Variants in PTPRM observed in about 807,000 individuals in gnomAD.
PTPRM encodes the protein receptor-type tyrosine-protein phosphatase mu.
PTPRM carries 47 observed loss-of-function variants against 186.7 expected under a neutral mutation model. That is an observed-to-expected ratio of 0.25 (90% CI 0.20 to 0.32). The LOEUF is 0.32. PTPRM is among the 10% of genes least tolerant of loss of function. The pLI, the probability that PTPRM is intolerant of heterozygous loss-of-function variation, is 1.00. For synonymous variants in PTPRM, 668 were observed against 674.9 expected, an observed-to-expected ratio of 0.99 and a Z score of 0.16; for missense variants, 1,494 against 1,865.0, an observed-to-expected ratio of 0.80 and a Z score of 3.66.
intron 9 of PTPRM, among the ~76,000 whole-genome samples, chr18:8,080,832 C>T (rs923342107): frequency 2.0e-5 from 3 of 152,128 alleles, no homozygotes; most frequent in South Asian, 2.1e-4. Flanking sequence ...ATTGTCTCTT[C>T]GCCAAGAGCC....
intron 23 of PTPRM, among the ~76,000 whole-genome samples, chr18:8,367,227 G>C (rs1253582617): frequency 1.3e-5 from 2 of 152,164 alleles, no homozygotes; most frequent in African/African-American, 4.8e-5. Flanking sequence ...GCTGAAAACA[G>C]ATGTGGCAAA....
At chr18:8,126,034 A>ATTTTTTTTTTT (rs2092353949) in intron 13 of PTPRM, among the ~76,000 whole-genome samples, 1 of 37,230 alleles carries the variant, frequency 2.7e-5, no homozygotes, top group African/African-American at 7.1e-5. Context: ...TATATTTTAA[A>ATTTTTTTTTTT]TCAGTAGACC....
intron 1 of PTPRM, among the ~76,000 whole-genome samples, chr18:7,577,438 A>G (rs1269512328): frequency 1.3e-5 from 2 of 152,214 alleles, no homozygotes; most frequent in Non-Finnish European, 1.5e-5. Flanking sequence ...TGGTATCACC[A>G]GAAAGAAGAT....
chr18:8,078,787 G>A (rs2089970863), intron 9 of PTPRM, among the ~76,000 whole-genome samples: 1 of 152,274 alleles, frequency 6.6e-6, no homozygotes, highest in African/African-American at 2.4e-5. Context: ...AGGGTGAAGG[G>A]CAGCAGGCAC....
chr18:8,376,424 CCTT>C (rs776653044), intron 25 of PTPRM, 35 bp from the exon 26 acceptor site: 1 of 1,613,530 alleles, frequency 6.2e-7, no homozygotes, highest in East Asian at 2.2e-5. Flanking sequence ...GCAGTGTGGT[CCTT>C]CTTCCTCCAC....
rs973922732 is a variant in PTPRM, at chr18:8,063,296, A to G, written c.1133-6390A>G. ...CCCCTTGCGCTTCCCAGGTGAGGCA[A>G]TGCCTCGCCCTGCTTCGGCTTGCGC... On this transcript the variant is annotated intron_variant, in intron 7 of 32. Coordinates refer to ENST00000580170, the MANE Select transcript of PTPRM (RefSeq NM_001105244.2). Among the ~76,000 whole-genome samples the G allele has an allele frequency of 1.3e-4, 19 of 150,830 alleles. 1 individual carries two copies. The South Asian group carries it at 1.7e-3, about 13-fold the overall frequency.
At chr18:8,135,862 A>G (rs1568400862) in intron 13 of PTPRM, among the ~76,000 whole-genome samples, 2 of 152,214 alleles carry the variant, frequency 1.3e-5, no homozygotes, top group Non-Finnish European at 1.5e-5. Context: ...TGATACTTCT[A>G]GCAAGCATAC....
At chr18:7,818,706 A>G (rs577913071) in intron 2 of PTPRM, among the ~76,000 whole-genome samples, 7 of 152,362 alleles carry the variant, frequency 4.6e-5, no homozygotes, top group Admixed American at 2.0e-4. Flanking sequence ...ATTAAACATC[A>G]GTAAAACACT....
intron 1 of PTPRM, among the ~76,000 whole-genome samples, chr18:7,766,189 G>T (rs2042007441): frequency 6.6e-6 from 1 of 152,204 alleles, no homozygotes; most frequent in Admixed American, 6.5e-5. Context: ...TGAAGCTCCT[G>T]TGTCTTTGGG....
At chr18:8,057,302 T>A (rs911005488) in intron 7 of PTPRM, among the ~76,000 whole-genome samples, 3 of 152,056 alleles carry the variant, frequency 2.0e-5, no homozygotes, top group Admixed American at 2.0e-4. Flanking sequence ...TTTTATTTTG[T>A]ACTTTTCAAT....
chr18:7,651,657 T>C (rs1598299880), intron 1 of PTPRM, among the ~76,000 whole-genome samples: 1 of 152,102 alleles, frequency 6.6e-6, no homozygotes, highest in African/African-American at 2.4e-5. Flanking sequence ...GGGGAAAGGA[T>C]TCCCTATTTA....
intron 29 of PTPRM, 51 bp downstream of exon 29, chr18:8,380,478 G>A: frequency 6.2e-7 from 1 of 1,604,728 alleles, no homozygotes; most frequent in Non-Finnish European, 8.5e-7. Context: ...GGTCAAGTTT[G>A]TTTTTACACT....
chr18:8,056,558 G>A (rs1308310456), intron 7 of PTPRM, among the ~76,000 whole-genome samples: 3 of 151,958 alleles, frequency 2.0e-5, no homozygotes, highest in Admixed American at 2.0e-4. Context: ...GAAGGTGGAG[G>A]TTGTGGTTAG....
intron 19 of PTPRM, among the ~76,000 whole-genome samples, chr18:8,254,364 G>C (rs1327250657): frequency 6.6e-6 from 1 of 152,216 alleles, no homozygotes; most frequent in East Asian, 1.9e-4. Context: ...CTAATTCAAA[G>C]AAGCATGCCA....
intron 7 of PTPRM, among the ~76,000 whole-genome samples, chr18:7,981,190 C>T (rs1406871385): frequency 6.6e-6 from 1 of 152,178 alleles, no homozygotes; most frequent in Non-Finnish European, 1.5e-5. Flanking sequence ...CACCTTCACT[C>T]TCTACTTAAA....
chr18:7,686,231 G>A (rs531556332), intron 1 of PTPRM, among the ~76,000 whole-genome samples: 1 of 152,128 alleles, frequency 6.6e-6, no homozygotes, highest in African/African-American at 2.4e-5. Context: ...AAAATGACTC[G>A]GGATGCTATT....
chr18:8,359,018 G>A (rs1366605625), intron 23 of PTPRM, among the ~76,000 whole-genome samples: 1 of 152,180 alleles, frequency 6.6e-6, no homozygotes, highest in East Asian at 1.9e-4. Flanking sequence ...TGACAGAAAT[G>A]TGTCTACATT....
intron 2 of PTPRM, among the ~76,000 whole-genome samples, chr18:7,861,765 T>TGA (rs2047395430): frequency 1.3e-5 from 2 of 151,724 alleles, no homozygotes; most frequent in African/African-American, 4.9e-5. Flanking sequence ...GGTGTGTGTG[T>TGA]GTGAGAGAGA....
chr18:7,581,162 G>A (rs955686367), intron 1 of PTPRM, among the ~76,000 whole-genome samples: 1 of 152,126 alleles, frequency 6.6e-6, no homozygotes, highest in African/African-American at 2.4e-5. Context: ...CATCAAACAG[G>A]GAATTTTTTG....
Sources: gnomAD v4.1 joint callset for allele counts (sites outside exome capture counted in the v4.1 genomes callset) on GRCh38, gnomAD v4.1.1 for gene constraint, MANE v1.5 for transcripts, NCBI Gene and HGNC (gene_info 2026-07-23, HGNC 2026-07-21) for gene names.